Variants in HUWE1 observed in about 807,000 individuals in gnomAD.
HUWE1 encodes E3 ubiquitin-protein ligase HUWE1.
A neutral mutation model predicts 299.4 loss-of-function variants in HUWE1; 18 were observed. That is an observed-to-expected ratio of 0.06 (90% CI 0.04 to 0.09). HUWE1 has a LOEUF of 0.09. Among genes scored for constraint, HUWE1 ranks in the 10% least tolerant of loss-of-function variants. The probability of loss-of-function intolerance (pLI) is 1.00; values close to 1 mark genes in which losing one functional copy is unlikely to be tolerated. For missense variants in HUWE1, 1,832 were observed against 3,462.3 expected, an observed-to-expected ratio of 0.53 and a Z score of 11.82; for synonymous variants, 1,317 against 1,286.1, an observed-to-expected ratio of 1.02 and a Z score of -0.51.
chrX:53,620,974 T>C (rs988680262), intron 19 of HUWE1, among the ~76,000 whole-genome samples: 1 of 111,623 alleles, frequency 9.0e-6, no homozygotes, highest in African/African-American at 3.3e-5. Flanking sequence ...TCCCTCTTCA[T>C]AGGAAATGAA....
intron 43 of HUWE1, among the ~76,000 whole-genome samples, chrX:53,577,442 T>G (rs1251727185): frequency 1.0e-5 from 1 of 98,145 alleles, no homozygotes; most frequent in Admixed American, 1.1e-4. Context: ...TTTCATCCCC[T>G]TCCCAACGTT....
chrX:53,572,457 G>A (rs1000503705), intron 47 of HUWE1, among the ~76,000 whole-genome samples: 2 of 111,747 alleles, frequency 1.8e-5, no homozygotes, highest in South Asian at 3.7e-4. Context: ...TAAAAATGGC[G>A]GTTGCTTTCA....
intron 44 of HUWE1, among the ~76,000 whole-genome samples, chrX:53,576,324 T>C (rs146696368): frequency 0.021 from 2,362 of 111,923 alleles, 72 homozygotes; most frequent in African/African-American, 0.073. Flanking sequence ...GAAACCTATG[T>C]TCCAAGCAAA....
intron 70 of HUWE1, 128 bp downstream of exon 70, chrX:53,546,308 A>C: frequency 1.7e-6 from 1 of 602,700 alleles, no homozygotes. Flanking sequence ...CAGAGGGAGC[A>C]TGGAGGCTGT....
intron 11 of HUWE1, 77 bp from the exon 12 acceptor site, chrX:53,631,111 A>C (rs1177479382): frequency 3.1e-5 from 20 of 640,315 alleles, no homozygotes; most frequent in Non-Finnish European, 4.7e-5. Flanking sequence ...TAACTCAAAA[A>C]ACAACACAAC....
At chrX:53,660,571 G>A (rs1171328858) in intron 3 of HUWE1, among the ~76,000 whole-genome samples, 2 of 112,066 alleles carry the variant, frequency 1.8e-5, no homozygotes, top group Non-Finnish European at 3.8e-5. Context: ...AGTATACTGA[G>A]TGTCCATTAC....
chrX:53,618,185 G>A (rs1557009187), intron 19 of HUWE1, among the ~76,000 whole-genome samples: 1 of 111,515 alleles, frequency 9.0e-6, no homozygotes, highest in Non-Finnish European at 1.9e-5. Flanking sequence ...CAGTGAAAAC[G>A]AAAGCAAAAA....
chrX:53,680,391 C>T (rs903325034), intron 2 of HUWE1, among the ~76,000 whole-genome samples: 9 of 112,068 alleles, frequency 8.0e-5, no homozygotes, highest in African/African-American at 2.3e-4. Flanking sequence ...ATACTTCTAA[C>T]GCTTAGACAA....
chrX:53,674,050 T>C (rs1248319596), intron 3 of HUWE1, among the ~76,000 whole-genome samples: 3 of 111,844 alleles, frequency 2.7e-5, no homozygotes, highest in African/African-American at 9.7e-5. Flanking sequence ...CTCTTCCTTA[T>C]ACCTTTTACG....
At chrX:53,551,705 G>A (rs1407708003) in intron 63 of HUWE1, among the ~76,000 whole-genome samples, 1 of 111,364 alleles carries the variant, frequency 9.0e-6, no homozygotes, top group Non-Finnish European at 1.9e-5. Context: ...TAGAGATGGG[G>A]TCTCCCTATG....
At chrX:53,555,519 G>A (rs2061962934) in intron 60 of HUWE1, among the ~76,000 whole-genome samples, 1 of 110,752 alleles carries the variant, frequency 9.0e-6, no homozygotes, top group Non-Finnish European at 1.9e-5. Flanking sequence ...TAGAGACAGG[G>A]TCTTGCCATG....
At position 53,548,187 on chromosome X, in the gene HUWE1, T is replaced by C. The variant is rs2061623768; in HGVS notation, c.10122A>G (p.Pro3374=). The part of the protein sequence containing the change: ...DRERGNKACS[P]CSSQSSSSGI... ...CACTGCTGGAGGACTGTGAGGAGCA[T>C]GGGCTACAGGCCTTATTGCCCCTTT... is the stretch of plus-strand genomic sequence containing the variant. The change falls in exon 68 of 84, where the codon CCA becomes CCG. Residue 3374 remains proline (P), a synonymous_variant. Coordinates refer to ENST00000262854, the MANE Select transcript of HUWE1 (RefSeq NM_031407.7). 6.6e-6 allele frequency: 8 copies of C among 1,209,416 alleles called. No individual in the cohort carries two copies. The highest frequency in any genetic ancestry group is 1.8e-5 in the South Asian group (1 of 56,324).
chrX:53,562,898 C>T lies in HUWE1; in HGVS notation c.7137G>A (p.Glu2379=), dbSNP rs1556942568. 2.5e-6 allele frequency: 3 copies of T among 1,210,808 alleles called. No homozygotes were observed. Among genetic ancestry groups the T allele is most frequent in the Non-Finnish European group, 3.4e-6 (3 of 894,616 alleles). ...VSRSGEDESQ[E]DVLMDEAPSN... ...AAGGAGCTTCATCCATCAGCACGTC[C>T]TCTTGTGATTCATCCTCTCCACTTC... The change falls in exon 53 of 84, where the codon GAG becomes GAA. Residue 2379 remains glutamate, a synonymous_variant. Coordinates refer to ENST00000262854, the MANE Select transcript of HUWE1 (RefSeq NM_031407.7).
At chrX:53,568,623 C>A in intron 49 of HUWE1, 69 bp downstream of exon 49, 1 of 1,049,237 alleles carries the variant, frequency 9.5e-7, no homozygotes. Context: ...ACTACACCAG[C>A]TACCTCCACA....
At chrX:53,596,375 A>G (rs2064470877) in intron 29 of HUWE1, among the ~76,000 whole-genome samples, 2 of 112,353 alleles carry the variant, frequency 1.8e-5, no homozygotes, top group African/African-American at 3.2e-5. Context: ...ATAAACGCAT[A>G]AAATATATGT....
intron 73 of HUWE1, 107 bp from the exon 74 acceptor site, chrX:53,542,646 G>A (rs915629376): frequency 8.8e-6 from 5 of 567,003 alleles, no homozygotes; most frequent in East Asian, 3.4e-5. Context: ...TTGCAAAGAA[G>A]CTTCCCATAT....
Position 53,625,242 on chromosome X carries a change from T to G in HUWE1, c.1506A>C (p.Pro502=). The change falls in exon 18 of 84, where the codon CCA becomes CCC. Residue 502 remains proline (P), a synonymous_variant. Coordinates refer to ENST00000262854, the MANE Select transcript of HUWE1 (RefSeq NM_031407.7). ...ETDMDGVQCI[P]QRAALLKSML... ...TGGATTTCAGAAGTGCTGCTCGTTG[T>G]GGAATACACTGGACTCCTGGCAATG... is the stretch of plus-strand genomic sequence containing the variant. The G allele has an allele frequency of 8.5e-7, 1 of 1,182,382 alleles. No homozygotes were observed. Among genetic ancestry groups the G allele is most frequent in the South Asian group, 1.8e-5 (1 of 56,323 alleles).
In HUWE1 at chrX:53,532,606, A is replaced by C. The variant is rs1056266890; in HGVS notation, c.*703T>G. The C allele has an allele frequency of 1.8e-5, 2 of 109,622 alleles. No homozygotes were observed. Among genetic ancestry groups the C allele is most frequent in the Admixed American group, 9.7e-5 (1 of 10,268 alleles). 9.0% of individuals were successfully genotyped at this position (109,622 alleles called of 1,213,427 possible). On this transcript the variant is annotated 3_prime_UTR_variant, in exon 84 of 84. Coordinates refer to ENST00000262854, the MANE Select transcript of HUWE1 (RefSeq NM_031407.7). Reference sequence around the variant, plus strand: ...ACCCCCAATTCCTGGTGAACTGCTCATCTCTCCTGACTGCAGAAACTGACT... The same window carrying C: ...ACCCCCAATTCCTGGTGAACTGCTCCTCTCTCCTGACTGCAGAAACTGACT...
chrX:53,534,087 G>A lies in HUWE1; in HGVS notation c.12942C>T (p.Leu4314=), dbSNP rs782813587. The A allele has an allele frequency of 1.1e-5, 13 of 1,208,891 alleles. No homozygotes were observed. Among genetic ancestry groups the A allele is most frequent in the African/African-American group, 3.5e-5 (2 of 57,128 alleles). ...SKVPLQGFAA[L]EGMNGIQKFQ... Reference sequence around the variant, plus strand: ...ACTTCTGAATGCCATTCATGCCTTCGAGGGCAGCAAAGCCTTGCAGGGGTA... The same window carrying A: ...ACTTCTGAATGCCATTCATGCCTTCAAGGGCAGCAAAGCCTTGCAGGGGTA... The change falls in exon 83 of 84, where the codon CTC becomes CTT. Residue 4314 remains leucine, a synonymous_variant. Coordinates refer to ENST00000262854, the MANE Select transcript of HUWE1 (RefSeq NM_031407.7).
Sources: allele counts gnomAD v4.1 joint callset (sites outside exome capture counted in the v4.1 genomes callset), GRCh38; gene constraint gnomAD v4.1.1; transcripts MANE v1.5; gene names NCBI Gene and HGNC (gene_info 2026-07-23, HGNC 2026-07-21).